TTC3: variants seen among roughly 807,000 people sequenced by gnomAD.
The protein encoded by TTC3 is tetratricopeptide repeat domain 3.
A neutral mutation model predicts 249.6 loss-of-function variants in TTC3; 180 were observed. The ratio of observed to expected loss-of-function variants is 0.72; its 90% confidence interval spans 0.64 to 0.82. The LOEUF (loss-of-function observed/expected upper bound fraction) is 0.82. Ranked by LOEUF, TTC3 falls within the 40% of genes least tolerant of loss-of-function variation. The pLI is 0.00. For synonymous variants in TTC3, 717 were observed against 805.0 expected (o/e 0.89, Z 1.85); for missense variants, 2,061 against 2,398.4 (o/e 0.86, Z 2.94).
intron 11 of TTC3, among the ~76,000 whole-genome samples, chr21:37,111,010 A>AT (rs1026008899): frequency 4.6e-5 from 7 of 152,194 alleles, no homozygotes; most frequent in Admixed American, 2.6e-4. Context: ...ATGCTGAGAG[A>AT]TTTTGTCACC....
At chr21:37,195,791 T>G in exon 42 of TTC3, 1 of 1,614,224 alleles carries the variant, frequency 6.2e-7, no homozygotes, top group African/African-American at 1.3e-5. Flanking sequence ...GTGTGTTCTC[T>G]GCTGGTGATT....
chr21:37,154,605 T>G (rs1022370401), intron 27 of TTC3, among the ~76,000 whole-genome samples: 10 of 152,238 alleles, frequency 6.6e-5, no homozygotes, highest in African/African-American at 2.4e-4. Context: ...CAGCCACTGT[T>G]CATTCAGGTA....
exon 14 of TTC3, chr21:37,124,677 G>A: frequency 2.5e-6 from 4 of 1,613,528 alleles, no homozygotes; most frequent in Non-Finnish European, 3.4e-6. Context: ...TAACTTTGTG[G>A]AGAAGGAAAG....
At chr21:37,147,294 A>G (rs1203121071) in intron 21 of TTC3, among the ~76,000 whole-genome samples, 187 bp from the exon 22 acceptor site, 1 of 152,174 alleles carries the variant, frequency 6.6e-6, no homozygotes, top group Non-Finnish European at 1.5e-5. Flanking sequence ...AATCTCTCTT[A>G]TGTCTCTTAT....
intron 22 of TTC3, 128 bp downstream of exon 22, chr21:37,147,731 ATTT>A (rs372841981): frequency 1.1e-3 from 909 of 844,022 alleles, no homozygotes; most frequent in South Asian, 1.7e-3. Flanking sequence ...CTTTCCCAGG[ATTT>A]TTTTTTTTTT....
intron 21 of TTC3, 102 bp downstream of exon 21, chr21:37,144,747 C>A: frequency 7.1e-7 from 1 of 1,406,432 alleles, no homozygotes; most frequent in Middle Eastern, 1.9e-4. Flanking sequence ...TCCATCCCCA[C>A]CTCCCTTACA....
chr21:37,113,886 T>C (rs1024201834), intron 11 of TTC3, among the ~76,000 whole-genome samples: 8 of 152,058 alleles, frequency 5.3e-5, no homozygotes, highest in African/African-American at 1.9e-4. Flanking sequence ...TAGTGCCACA[T>C]ATCTACAACT....
chr21:37,176,477 A>C (rs2082293833), intron 35 of TTC3, among the ~76,000 whole-genome samples: 1 of 152,242 alleles, frequency 6.6e-6, no homozygotes, highest in Non-Finnish European at 1.5e-5. Context: ...TTGGCCCAGA[A>C]TAATTTACAG....
At chr21:37,088,420 C>T in intron 4 of TTC3, 74 bp downstream of exon 4, 2 of 1,512,184 alleles carry the variant, frequency 1.3e-6, no homozygotes, top group Non-Finnish European at 1.8e-6. Flanking sequence ...AATGCAAGTT[C>T]AATGGAAGGC....
chr21:37,092,717 T>C (rs560712024), intron 7 of TTC3, among the ~76,000 whole-genome samples: 1 of 152,332 alleles, frequency 6.6e-6, no homozygotes, highest in African/African-American at 2.4e-5. Flanking sequence ...TTAGGTCCTT[T>C]ATTGAATCTT....
At chr21:37,195,548 A>G (rs1431053995) in intron 41 of TTC3, 127 bp from the exon 42 acceptor site, 27 of 1,277,640 alleles carry the variant, frequency 2.1e-5, no homozygotes, top group African/African-American at 4.5e-5. Flanking sequence ...AATTCATGGT[A>G]TTCAGGTTTC....
At chr21:37,088,109 A>G in intron 3 of TTC3, 87 bp from the exon 4 acceptor site, 1 of 1,198,512 alleles carries the variant, frequency 8.3e-7, no homozygotes, top group Non-Finnish European at 1.1e-6. Flanking sequence ...CCCTCTCCAT[A>G]TCCATTTTTG....
chr21:37,153,174 A>G, exon 27 of TTC3: 1 of 1,614,212 alleles, frequency 6.2e-7, no homozygotes, highest in Non-Finnish European at 8.5e-7. Context: ...ACTTGATTCA[A>G]GAAAATAACA....
intron 1 of TTC3, chr21:37,085,825 T>C (rs1223566981): frequency 6.6e-6 from 1 of 152,188 alleles, no homozygotes; most frequent in Non-Finnish European, 1.5e-5. Context: ...AACGTGACAG[T>C]AACCAAGAGA....
At chr21:37,182,947 T>TA (rs541380713) in intron 36 of TTC3, 34 bp downstream of exon 36, 319 of 1,446,878 alleles carry the variant, frequency 2.2e-4, no homozygotes, top group Non-Finnish European at 2.5e-4. Context: ...AATTTTTATT[T>TA]AAAAAAAAAT....
At chr21:37,188,289 T>C (rs2083539200) in intron 38 of TTC3, 9 of 479,108 alleles carry the variant, frequency 1.9e-5, no homozygotes, top group Non-Finnish European at 2.7e-5. Context: ...TCATGGAAGG[T>C]ATGCATTTGT....
At chr21:37,157,177 A>G (rs757569480) in intron 28 of TTC3, 9 of 1,373,428 alleles carry the variant, frequency 6.6e-6, no homozygotes, top group South Asian at 3.7e-5. Flanking sequence ...TCACAGCATC[A>G]TGGGAAAGAT....
chr21:37,140,290 G>A (rs768058126), intron 19 of TTC3, among the ~76,000 whole-genome samples: 2 of 152,022 alleles, frequency 1.3e-5, no homozygotes, highest in African/African-American at 4.8e-5. Context: ...GCCAGCACAC[G>A]CCAGGCCCTT....
intron 21 of TTC3, among the ~76,000 whole-genome samples, chr21:37,147,102 G>A (rs1429838258): frequency 6.6e-6 from 1 of 152,144 alleles, no homozygotes; most frequent in Non-Finnish European, 1.5e-5. Context: ...TTGGGCAAGA[G>A]GAGCCTGGTA....
Sources: gnomAD v4.1 joint callset for allele counts (sites outside exome capture counted in the v4.1 genomes callset) on GRCh38, gnomAD v4.1.1 for gene constraint, MANE v1.5 for transcripts, NCBI Gene and HGNC (gene_info 2026-07-23, HGNC 2026-07-21) for gene names.